The following HECW2 variants were observed in gnomAD, a reference collection of about 807,000 sequenced individuals.
The protein encoded by HECW2 is E3 ubiquitin-protein ligase HECW2.
In HECW2, 61 loss-of-function variants were observed where a neutral mutation model predicts 175.2. The observed-to-expected ratio is 0.35, with a 90% CI of 0.28 to 0.43. HECW2 has a LOEUF of 0.43. HECW2 is among the 20% of genes least tolerant of loss of function. The probability of loss-of-function intolerance (pLI) is 1.00; values close to 1 mark genes in which losing one functional copy is unlikely to be tolerated. For missense variants in HECW2, 1,524 were observed against 2,000.5 expected, an observed-to-expected ratio of 0.76 and a Z score of 4.54; for synonymous variants, 671 against 731.0, an observed-to-expected ratio of 0.92 and a Z score of 1.32.
intron 2 of HECW2, among the ~76,000 whole-genome samples, chr2:196,414,318 A>G (rs550533105): frequency 6.6e-6 from 1 of 152,246 alleles, no homozygotes; most frequent in Admixed American, 6.5e-5. Context: ...TCTGAATCTG[A>G]GACTGAAACC....
intron 2 of HECW2, among the ~76,000 whole-genome samples, chr2:196,370,158 C>A (rs1249273876): frequency 6.6e-6 from 1 of 152,036 alleles, no homozygotes; most frequent in East Asian, 1.9e-4. Flanking sequence ...GTCTCCAAGT[C>A]TCAGCAAGGC....
intron 4 of HECW2, 63 bp from the exon 5 acceptor site, chr2:196,329,713 G>A (rs1371029441): frequency 7.5e-7 from 1 of 1,332,632 alleles, no homozygotes; most frequent in African/African-American, 1.4e-5. Flanking sequence ...ATCTGACTAG[G>A]AAACCATGTA....
At chr2:196,211,345 C>T (rs909063880) in intron 28 of HECW2, among the ~76,000 whole-genome samples, 3 of 152,122 alleles carry the variant, frequency 2.0e-5, no homozygotes, top group Non-Finnish European at 4.4e-5. Flanking sequence ...TTCATAAAGT[C>T]CATCAGAGCA....
intron 13 of HECW2, among the ~76,000 whole-genome samples, chr2:196,300,568 T>A (rs181306730): frequency 3.0e-4 from 46 of 152,362 alleles, no homozygotes; most frequent in Admixed American, 6.5e-4. Context: ...TTATACTTGT[T>A]CTTCAATTAC....
At chr2:196,588,147 T>C (rs536785321) in intron 1 of HECW2, among the ~76,000 whole-genome samples, 4 of 152,318 alleles carry the variant, frequency 2.6e-5, no homozygotes, top group African/African-American at 7.2e-5. Context: ...TATAATTTAG[T>C]TATTTGGTTT....
intron 1 of HECW2, among the ~76,000 whole-genome samples, chr2:196,574,934 G>A (rs1690508915): frequency 6.6e-6 from 1 of 151,954 alleles, no homozygotes; most frequent in African/African-American, 2.4e-5. Context: ...GGAAAGGATA[G>A]TCATTTAAAT....
At chr2:196,579,840 AC>A (rs1186262665) in intron 1 of HECW2, among the ~76,000 whole-genome samples, 2 of 152,208 alleles carry the variant, frequency 1.3e-5, no homozygotes, top group African/African-American at 4.8e-5. Flanking sequence ...GAAGGTGACC[AC>A]CTGAAGCCAA....
intron 1 of HECW2, among the ~76,000 whole-genome samples, chr2:196,575,256 CA>C (rs1056654109): frequency 1.3e-5 from 2 of 151,692 alleles, no homozygotes; most frequent in African/African-American, 4.8e-5. Context: ...TAGCTATTAT[CA>C]AAAAGACAAT....
At chr2:196,225,135 T>C (rs898924065) in intron 23 of HECW2, among the ~76,000 whole-genome samples, 1 of 152,230 alleles carries the variant, frequency 6.6e-6, no homozygotes, top group African/African-American at 2.4e-5. Context: ...CTGCTGATTA[T>C]AGGACAGAAA....
chr2:196,382,106 T>C (rs1390325168), intron 2 of HECW2, among the ~76,000 whole-genome samples: 1 of 152,068 alleles, frequency 6.6e-6, no homozygotes, highest in African/African-American at 2.4e-5. Context: ...TGTAGAATAG[T>C]GCATATATTT....
intron 1 of HECW2, among the ~76,000 whole-genome samples, chr2:196,493,701 T>C (rs183611654): frequency 2.1e-4 from 32 of 152,332 alleles, no homozygotes; most frequent in African/African-American, 6.5e-4. Flanking sequence ...GAGAAATATT[T>C]CCCAGGTCCT....
intron 23 of HECW2, among the ~76,000 whole-genome samples, chr2:196,223,360 T>C (rs954118548): frequency 2.0e-5 from 3 of 152,032 alleles, no homozygotes; most frequent in African/African-American, 7.3e-5. Flanking sequence ...GACTGAGAGA[T>C]TCAGGAAAAG....
intron 21 of HECW2, among the ~76,000 whole-genome samples, chr2:196,229,349 T>C (rs1275894212): frequency 1.3e-5 from 2 of 151,764 alleles, no homozygotes; most frequent in Non-Finnish European, 1.5e-5. Context: ...AGTGATAGGA[T>C]TGTGTGAAGG....
At chr2:196,511,381 T>C (rs1431615537) in intron 1 of HECW2, among the ~76,000 whole-genome samples, 1 of 152,240 alleles carries the variant, frequency 6.6e-6, no homozygotes, top group Non-Finnish European at 1.5e-5. Flanking sequence ...TAAATGAAGA[T>C]TGAATGCTGT....
intron 1 of HECW2, among the ~76,000 whole-genome samples, chr2:196,490,836 A>G (rs1265228286): frequency 1.3e-5 from 2 of 152,148 alleles, no homozygotes; most frequent in Non-Finnish European, 2.9e-5. Flanking sequence ...CATCATGCTA[A>G]GTGAAGAAAG....
intron 2 of HECW2, among the ~76,000 whole-genome samples, chr2:196,429,844 G>A (rs1470759421): frequency 1.3e-5 from 2 of 152,122 alleles, no homozygotes; most frequent in Non-Finnish European, 2.9e-5. Context: ...AGAAGGATGA[G>A]GGCCAGAAGT....
At chr2:196,547,135 T>C (rs1689452376) in intron 1 of HECW2, among the ~76,000 whole-genome samples, 1 of 152,200 alleles carries the variant, frequency 6.6e-6, no homozygotes, top group Admixed American at 6.5e-5. Flanking sequence ...TTCTCAGTTA[T>C]CAAAATGGAT....
At chr2:196,507,713 CT>C (rs1286718890) in intron 1 of HECW2, among the ~76,000 whole-genome samples, 1 of 152,198 alleles carries the variant, frequency 6.6e-6, no homozygotes, top group Non-Finnish European at 1.5e-5. Context: ...GAAAAATGCA[CT>C]GTGAATTCCA....
chr2:196,315,149 AGTGTGTGTGTGT>A lies in HECW2; in HGVS notation c.2434+2113_2434+2124del, dbSNP rs58473650. On this transcript the variant is annotated intron_variant, in intron 10 of 28. Transcript: ENST00000644978. ...CTTGGTCCTACAGCACGAGTGTATG[AGTGTGTGTGTGT>A]GTGTGTGTGTGTGTGTGTGTGTGTG... Among the ~76,000 whole-genome samples the A allele has an allele frequency of 3.2e-3, 463 of 144,816 alleles. 2 individuals carry two copies. Among genetic ancestry groups the A allele is most frequent in the African/African-American group, 8.6e-3 (334 of 38,928 alleles).
Sources: gnomAD v4.1 joint callset for allele counts (sites outside exome capture counted in the v4.1 genomes callset) on GRCh38, gnomAD v4.1.1 for gene constraint, MANE v1.5 for transcripts, NCBI Gene and HGNC (gene_info 2026-07-23, HGNC 2026-07-21) for gene names.